TCN1: variants seen among roughly 807,000 people sequenced by gnomAD.
TCN1 encodes the protein transcobalamin 1, also known as transcobalamin-1.
TCN1 carries 47 observed loss-of-function variants against 46.3 expected under a neutral mutation model. The ratio of observed to expected loss-of-function variants is 1.01; its 90% CI spans 0.80 to 1.29. The LOEUF (loss-of-function observed/expected upper bound fraction) is 1.29, where lower values mean the gene tolerates loss of function less well. Among genes scored for constraint, TCN1 ranks in the 50% most tolerant of loss-of-function variants. TCN1 has a pLI of 0.00. For synonymous variants in TCN1, 183 were observed against 192.5 expected (o/e 0.95, Z 0.41); for missense variants, 532 against 511.0 (o/e 1.04, Z -0.40).
intron 1 of TCN1, 33 bp from the exon 2 acceptor site, chr11:59,864,119 A>G: frequency 6.2e-7 from 1 of 1,607,874 alleles, no homozygotes; most frequent in Non-Finnish European, 8.5e-7. Flanking sequence ...TAAGAAACAC[A>G]TACTCAGAAA....
intron 2 of TCN1, 106 bp from the exon 3 acceptor site, chr11:59,862,828 G>T: frequency 1.6e-6 from 2 of 1,258,018 alleles, no homozygotes; most frequent in East Asian, 2.4e-5. Flanking sequence ...CTTCTGTTGC[G>T]CTCTATACAG....
intron 8 of TCN1, 26 bp downstream of exon 8, chr11:59,853,177 G>C (rs765904595): frequency 6.8e-6 from 11 of 1,612,798 alleles, no homozygotes; most frequent in Non-Finnish European, 9.3e-6. Context: ...TTTAGCATGG[G>C]TCTTTTTGGC....
intron 7 of TCN1, among the ~76,000 whole-genome samples, chr11:59,854,280 T>A (rs1457735724): frequency 6.6e-6 from 1 of 151,426 alleles, no homozygotes; most frequent in Non-Finnish European, 1.5e-5. Context: ...ATTTTTTTCC[T>A]GGATGAACAT....
Position 59,859,197 on chromosome 11 carries a change from T to A in TCN1, c.627A>T (p.Ala209=). ...TGATGTTCTTTAAACTGCCTTCATC[T>A]GCTTTGATCTGCCCATTTATTAGAC... is the stretch of plus-strand genomic sequence containing the variant. ...KKSLINGQIK[A]DEGSLKNISI... The change falls in exon 5 of 9, where the codon GCA becomes GCT. Residue 209 remains alanine (A), a synonymous_variant. Transcript: ENST00000257264. The A allele has an allele frequency of 6.2e-7, 1 of 1,614,034 alleles. No homozygotes were observed. Among genetic ancestry groups the A allele is most frequent in the Non-Finnish European group, 8.5e-7 (1 of 1,180,042 alleles).
In TCN1 at chr11:59,859,270, G is replaced by T. The variant is rs1206803535; in HGVS notation, c.557-3C>A. 1 of 1,613,170 alleles carries T rather than the reference G, an allele frequency of 6.2e-7. No individual in the cohort carries two copies. Among genetic ancestry groups the T allele is most frequent in the Non-Finnish European group, 8.5e-7 (1 of 1,180,014 alleles). On this transcript the variant is annotated splice_region_variant and splice_polypyrimidine_tract_variant and intron_variant, in intron 4 of 8. Transcript: ENST00000257264. ...CAGGACAGCCATTGCACCAGTATCT[G>T]TCAGGAAACAAAACATTGTTGATAG...
At chr11:59,864,934 C>G (rs1853056452) in intron 1 of TCN1, among the ~76,000 whole-genome samples, 2 of 152,100 alleles carry the variant, frequency 1.3e-5, no homozygotes, top group Admixed American at 1.3e-4. Context: ...ACATTTTGTG[C>G]TCCTTAACTT....
rs748045974 is a variant in TCN1 at position 59,859,265 on chromosome 11, T to C, written c.559A>G (p.Thr187Ala). 1 of 1,613,472 alleles carries C rather than the reference T, an allele frequency of 6.2e-7. No homozygotes were observed. The highest frequency in any genetic ancestry group is 2.2e-5 in the East Asian group (1 of 44,874). ...AGAGCCAGGACAGCCATTGCACCAGTATCTGTCAGGAAACAAAACATTGTT... is the reference window on the plus strand; with the variant it reads ...AGAGCCAGGACAGCCATTGCACCAGCATCTGTCAGGAAACAAAACATTGTT... ...YYFGSQFSVD[T>A]GAMAVLALTC... Residue 187 changes from threonine (T) to alanine (A), a missense_variant and splice_region_variant, in exon 5 of 9, where the codon ACT (threonine) becomes GCT (alanine). Coordinates refer to ENST00000257264, the MANE Select transcript of TCN1 (RefSeq NM_001062.4).
intron 3 of TCN1, among the ~76,000 whole-genome samples, chr11:59,862,257 T>C (rs1853022339): frequency 6.6e-6 from 1 of 152,276 alleles, no homozygotes; most frequent in South Asian, 2.1e-4. Flanking sequence ...TCTGGTGTAA[T>C]TCATCATTTG....
At chr11:59,861,306 T>C (rs1853012088) in intron 4 of TCN1, among the ~76,000 whole-genome samples, 1 of 152,200 alleles carries the variant, frequency 6.6e-6, no homozygotes, top group Non-Finnish European at 1.5e-5. Context: ...AAAGAAGAGC[T>C]GGAGCAGAAA....
chr11:59,863,292 T>C (rs1000386782), intron 2 of TCN1, among the ~76,000 whole-genome samples: 1 of 149,844 alleles, frequency 6.7e-6, no homozygotes, highest in Non-Finnish European at 1.5e-5. Flanking sequence ...ACAATCCTTA[T>C]GAAAGTGAAA....
chr11:59,853,030 C>A lies in TCN1; in HGVS notation c.1247G>T (p.Gly416Val), dbSNP rs779392074. Reference sequence around the variant, plus strand: ...TTCTCCATTGCGGACAACGTAACTACCAGCTCCTGAAAAGGAAGAAGAAAG... The same window carrying A: ...TTCTCCATTGCGGACAACGTAACTAACAGCTCCTGAAAAGGAAGAAGAAAG... ...SGGEPLSQGA[G>V]SYVVRNGENL... is the part of the protein sequence containing the mutation. Residue 416 changes from glycine (G) to valine (V), a missense_variant, in exon 9 of 9, where the codon GGT becomes GTT. By Grantham distance (109) the Gly-to-Val change is moderately radical (BLOSUM62 -3). Coordinates refer to ENST00000257264, the MANE Select transcript of TCN1 (RefSeq NM_001062.4). 3.1e-6 allele frequency: 5 copies of A among 1,614,148 alleles called. No individual in the cohort carries two copies. The highest frequency in any genetic ancestry group is 4.2e-6 in the Non-Finnish European group (5 of 1,180,004).
chr11:59,854,127 C>T (rs1866696310), intron 7 of TCN1, among the ~76,000 whole-genome samples: 1 of 151,346 alleles, frequency 6.6e-6, no homozygotes, highest in Non-Finnish European at 1.5e-5. Context: ...GGCAGTGGCT[C>T]ATGCCTGTAA....
chr11:59,866,365 A>T (rs753225698), intron 1 of TCN1, 27 bp downstream of exon 1: 1 of 1,609,454 alleles, frequency 6.2e-7, no homozygotes, highest in South Asian at 1.1e-5. Flanking sequence ...ATCACTCTAG[A>T]GTAATTTTAG....
At chr11:59,856,748 C>T (rs909588470) in intron 5 of TCN1, among the ~76,000 whole-genome samples, 3 of 152,112 alleles carry the variant, frequency 2.0e-5, no homozygotes, top group Non-Finnish European at 4.4e-5. Context: ...TTGGGCTAGA[C>T]TAGTAGATGC....
At position 59,866,478 on chromosome 11, in the gene TCN1, A is replaced by G; in HGVS notation, c.-8T>C. On this transcript the variant is annotated 5_prime_UTR_variant, in exon 1 of 9. Coordinates refer to ENST00000257264, the MANE Select transcript of TCN1 (RefSeq NM_001062.4). The stretch of plus-strand genomic sequence containing the variant: ...CTGGTGTGACTGTCTCATCTCTCCA[A>G]CAGTGTACCAGAATGTTGATGAATT... 4 of 1,612,988 alleles carry G rather than the reference A, an allele frequency of 2.5e-6. No individual in the cohort carries two copies. Among genetic ancestry groups the G allele is most frequent in the Non-Finnish European group, 2.5e-6 (3 of 1,179,064 alleles).
chr11:59,861,370 C>A (rs1253617943), intron 4 of TCN1, among the ~76,000 whole-genome samples, 157 bp downstream of exon 4: 1 of 152,146 alleles, frequency 6.6e-6, no homozygotes, highest in Non-Finnish European at 1.5e-5. Context: ...TGCCATCCAT[C>A]ATCCATTCTT....
intron 5 of TCN1, among the ~76,000 whole-genome samples, chr11:59,857,000 G>T (rs190123274): frequency 5.3e-5 from 8 of 152,230 alleles, no homozygotes; most frequent in African/African-American, 1.7e-4. Context: ...TAGTTTCCCA[G>T]GGATGGACAG....
Position 59,855,994 on chromosome 11 carries a change from G to C in TCN1, c.812C>G (p.Thr271Arg). 3 of 1,381,286 alleles carry C rather than the reference G, an allele frequency of 2.2e-6. No homozygotes were observed. Among genetic ancestry groups the C allele is most frequent in the Non-Finnish European group, 2.9e-6 (3 of 1,037,862 alleles). The allele number at this position is 1,381,286 out of a possible 1,614,324, so 85.6% of individuals were successfully genotyped here. A position where few individuals can be genotyped will look rare whatever the true frequency, so the allele number is the denominator to read the frequency against. The change falls in exon 6 of 9, where the codon ACA (threonine) becomes AGA (arginine). Residue 271 changes from threonine to arginine, a missense_variant. Physicochemically the swap from Thr to Arg is moderately conservative, Grantham distance 71 (BLOSUM62 -1). Coordinates refer to ENST00000257264, the MANE Select transcript of TCN1 (RefSeq NM_001062.4). ...TCCTTGAGAAATTTCCGTGAGCACTGTATTCAGAGTTTGTTGGCAATTCCA... is the reference window on the plus strand; with the variant it reads ...TCCTTGAGAAATTTCCGTGAGCACTCTATTCAGAGTTTGTTGGCAATTCCA... ...NDWNCQQTLN[T>R]VLTEISQGAF... is the part of the protein sequence containing the mutation.
chr11:59,863,514 C>T (rs529903838), intron 2 of TCN1, among the ~76,000 whole-genome samples: 2 of 151,906 alleles, frequency 1.3e-5, no homozygotes, highest in South Asian at 4.2e-4. Flanking sequence ...TCAGTATTAA[C>T]ATGACTGGTT....
Sources: gnomAD v4.1 joint callset for allele counts (sites outside exome capture counted in the v4.1 genomes callset) on GRCh38, gnomAD v4.1.1 for gene constraint, MANE v1.5 for transcripts, NCBI Gene and HGNC (gene_info 2026-07-23, HGNC 2026-07-21) for gene names.